ZNF423: variants seen among roughly 807,000 people sequenced by gnomAD.
The protein encoded by ZNF423 is zinc finger protein 423, also known as Ebf-associated zinc finger protein.
ZNF423 carries 12 observed loss-of-function variants against 95.8 expected under a neutral mutation model. The observed-to-expected ratio is 0.13, with a 90% confidence interval of 0.08 to 0.20. The LOEUF (loss-of-function observed/expected upper bound fraction) is 0.20, where lower values mean the gene tolerates loss of function less well. Ranked by LOEUF, ZNF423 falls within the 10% of genes least tolerant of loss-of-function variation. The pLI is 1.00. For synonymous variants in ZNF423, 749 were observed against 711.9 expected, an observed-to-expected ratio of 1.05 and a Z score of -0.83; for missense variants, 1,316 against 1,737.1, an observed-to-expected ratio of 0.76 and a Z score of 4.31.
At chr16:49,599,165 G>A (rs1477657697) in intron 5 of ZNF423, among the ~76,000 whole-genome samples, 1 of 152,146 alleles carries the variant, frequency 6.6e-6, no homozygotes, top group African/African-American at 2.4e-5. Flanking sequence ...CAGGTTGGAA[G>A]TAAATTAAAA....
chr16:49,742,192 C>T (rs2143499669), intron 2 of ZNF423, among the ~76,000 whole-genome samples: 1 of 152,274 alleles, frequency 6.6e-6, no homozygotes, highest in South Asian at 2.1e-4. Flanking sequence ...AATGACTCTA[C>T]CCTCCCTGCA....
At chr16:49,526,800 T>C (rs1317319331) in intron 5 of ZNF423, among the ~76,000 whole-genome samples, 2 of 152,314 alleles carry the variant, frequency 1.3e-5, no homozygotes, top group East Asian at 1.9e-4. Context: ...CTATGAGAAT[T>C]AAATGAGCTA....
chr16:49,818,271 G>A (rs565088219), intron 1 of ZNF423, among the ~76,000 whole-genome samples: 3 of 151,676 alleles, frequency 2.0e-5, no homozygotes, highest in Non-Finnish European at 2.9e-5. Context: ...TCAGATGCCC[G>A]GGCGCCCACA....
chr16:49,567,088 T>G (rs934723217), intron 5 of ZNF423, among the ~76,000 whole-genome samples: 2 of 152,144 alleles, frequency 1.3e-5, no homozygotes, highest in African/African-American at 4.8e-5. Context: ...CCTCACAAAG[T>G]GTTCATGTTC....
chr16:49,665,488 C>T (rs1364803295), intron 3 of ZNF423, among the ~76,000 whole-genome samples: 1 of 152,140 alleles, frequency 6.6e-6, no homozygotes, highest in Non-Finnish European at 1.5e-5. Flanking sequence ...GCAGGCTCTC[C>T]GTGGAGACCA....
chr16:49,570,674 C>T (rs1214535968), intron 5 of ZNF423, among the ~76,000 whole-genome samples: 15 of 152,230 alleles, frequency 9.9e-5, no homozygotes, highest in Admixed American at 9.8e-4. Context: ...TATTTGGCAA[C>T]TTGGCCCTCT....
At chr16:49,790,464 T>C (rs1209688772) in intron 1 of ZNF423, among the ~76,000 whole-genome samples, 2 of 152,226 alleles carry the variant, frequency 1.3e-5, no homozygotes, top group Non-Finnish European at 2.9e-5. Flanking sequence ...TTACAGGTAG[T>C]GAGAGCCACG....
At chr16:49,813,618 C>T (rs1406134985) in intron 1 of ZNF423, among the ~76,000 whole-genome samples, 7 of 152,218 alleles carry the variant, frequency 4.6e-5, no homozygotes, top group African/African-American at 1.7e-4. Context: ...ACATCCATTC[C>T]CTCTCGCTCC....
At chr16:49,807,153 C>T (rs910798136) in intron 1 of ZNF423, among the ~76,000 whole-genome samples, 3 of 151,996 alleles carry the variant, frequency 2.0e-5, no homozygotes, top group African/African-American at 7.3e-5. Flanking sequence ...CAAGCCAGGC[C>T]GGGGGCGGTG....
chr16:49,560,860 C>CTCTTCTTT (rs1969993873), intron 5 of ZNF423, among the ~76,000 whole-genome samples: 1 of 152,162 alleles, frequency 6.6e-6, no homozygotes. Flanking sequence ...CCTTCTTCAC[C>CTCTTCTTT]TCTTCTTTTC....
chr16:49,727,927 C>A (rs552518431), intron 3 of ZNF423, among the ~76,000 whole-genome samples: 2 of 152,218 alleles, frequency 1.3e-5, no homozygotes, highest in Admixed American at 1.3e-4. Context: ...GGGGAGCCTG[C>A]GATTGCACAT....
At chr16:49,552,430 G>A (rs1969675282) in intron 5 of ZNF423, among the ~76,000 whole-genome samples, 1 of 152,176 alleles carries the variant, frequency 6.6e-6, no homozygotes, top group South Asian at 2.1e-4. Flanking sequence ...AGACAGGGTG[G>A]AGGGGGGCAA....
chr16:49,647,015 G>A (rs1055469306), intron 3 of ZNF423, among the ~76,000 whole-genome samples: 2 of 152,210 alleles, frequency 1.3e-5, no homozygotes, highest in African/African-American at 4.8e-5. Context: ...TAACTTCTGA[G>A]CGCACAGACA....
At chr16:49,578,923 G>A (rs1214605600) in intron 5 of ZNF423, among the ~76,000 whole-genome samples, 1 of 152,202 alleles carries the variant, frequency 6.6e-6, no homozygotes, top group East Asian at 1.9e-4. Flanking sequence ...GGTTTTGGTT[G>A]GGACTGAGAG....
chr16:49,527,659 C>G (rs1007688511), intron 5 of ZNF423, among the ~76,000 whole-genome samples: 1 of 152,190 alleles, frequency 6.6e-6, no homozygotes, highest in African/African-American at 2.4e-5. Context: ...TAGTTTATAA[C>G]ATATTTCAAT....
chr16:49,675,588 G>A (rs765092674), intron 3 of ZNF423, among the ~76,000 whole-genome samples: 10 of 151,602 alleles, frequency 6.6e-5, no homozygotes, highest in Non-Finnish European at 1.2e-4. Flanking sequence ...CCTGTGCGCC[G>A]GCTGCTGCTG....
chr16:49,503,496 C>T (rs1967515336), intron 7 of ZNF423, among the ~76,000 whole-genome samples: 1 of 152,128 alleles, frequency 6.6e-6, no homozygotes, highest in South Asian at 2.1e-4. Flanking sequence ...AAGCCCCTCC[C>T]CCTCCCAGCA....
In ZNF423 at chr16:49,855,166, GAGGGCGCGGCGCCC is replaced by G; in HGVS notation, c.40+555_40+568del. On this transcript the variant is annotated intron_variant, in intron 1 of 7. Transcript: ENST00000563137. This position sits in a 1 kb window ranked among gnomAD's most constrained non-coding sequence, Gnocchi z 4.7. ...GGAGGGGGCGCCAGGCGGCCGGGGC[GAGGGCGCGGCGCCC>G]GGGGCGCTCGCCGACAGCGCCCGCC... is the stretch of plus-strand genomic sequence containing the variant. Among the ~76,000 whole-genome samples, 1 of 131,102 alleles carries G rather than the reference GAGGGCGCGGCGCCC, an allele frequency of 7.6e-6. No homozygotes were observed. The allele number at this position is 131,102 out of a possible 152,430, so 86.0% of individuals were successfully genotyped here.
intron 3 of ZNF423, among the ~76,000 whole-genome samples, chr16:49,642,195 C>G (rs1972996872): frequency 1.3e-5 from 2 of 152,180 alleles, no homozygotes; most frequent in East Asian, 1.9e-4. Context: ...CCATATCTGG[C>G]TGTCTGCAGT....
Sources: gnomAD v4.1 joint callset for allele counts (sites outside exome capture counted in the v4.1 genomes callset) on GRCh38, gnomAD v4.1.1 for gene constraint, Gnocchi (gnomAD v3.1) non-coding constraint, MANE v1.5 for transcripts, NCBI Gene and HGNC (gene_info 2026-07-23, HGNC 2026-07-21) for gene names.